Variants in DCDC1 observed in about 807,000 individuals in gnomAD.
The protein encoded by DCDC1 is doublecortin domain-containing protein 1.
A neutral mutation model predicts 178.3 loss-of-function variants in DCDC1; 200 were observed. The ratio of observed to expected loss-of-function variants is 1.12; its 90% confidence interval spans 1.00 to 1.26. DCDC1 has a LOEUF of 1.26. DCDC1 is among the 50% of genes most tolerant of loss of function. DCDC1 has a pLI of 0.00. For synonymous variants in DCDC1, 690 were observed against 604.8 expected, an observed-to-expected ratio of 1.14 and a Z score of -2.07; for missense variants, 1,983 against 1,749.2, an observed-to-expected ratio of 1.13 and a Z score of -2.38.
intron 11 of DCDC1, among the ~76,000 whole-genome samples, chr11:31,121,698 C>T (rs575849837): frequency 1.3e-5 from 2 of 151,902 alleles, no homozygotes; most frequent in East Asian, 3.9e-4. Flanking sequence ...GAGACCACTG[C>T]TCTACAAGAT....
intron 11 of DCDC1, among the ~76,000 whole-genome samples, chr11:31,114,797 T>G (rs1959623074): frequency 6.6e-6 from 1 of 152,130 alleles, no homozygotes. Context: ...ATCTGACTTA[T>G]TAACACATTT....
chr11:31,188,731 T>C (rs1274451167), intron 9 of DCDC1, among the ~76,000 whole-genome samples: 1 of 152,178 alleles, frequency 6.6e-6, no homozygotes, highest in Non-Finnish European at 1.5e-5. Flanking sequence ...AATGTATTTA[T>C]AGTTCATGAT....
chr11:31,213,544 A>T (rs895154935), intron 9 of DCDC1, among the ~76,000 whole-genome samples: 3 of 151,922 alleles, frequency 2.0e-5, no homozygotes, highest in Non-Finnish European at 4.4e-5. Context: ...ACATGGTGAA[A>T]CCCCATCTTT....
At position 31,099,465 on chromosome 11, in the gene DCDC1, A is replaced by G. The variant is rs769422544; in HGVS notation, c.1983+2712T>C. Reference sequence around the variant, plus strand: ...TCATGATCTGATCCTAACATCCCCAATAGAGCCTACCATTCTCCCCCATCT... The same window carrying G: ...TCATGATCTGATCCTAACATCCCCAGTAGAGCCTACCATTCTCCCCCATCT... On this transcript the variant is annotated intron_variant, in intron 15 of 38. Coordinates refer to ENST00000684477, the MANE Select transcript of DCDC1 (RefSeq NM_001387274.1). Among the ~76,000 whole-genome samples, 4 of 152,142 alleles carry G rather than the reference A, an allele frequency of 2.6e-5. No homozygotes were observed. In the South Asian group the frequency reaches 6.2e-4, roughly 24 times the overall value.
At chr11:31,262,577 A>G (rs1944869721) in intron 8 of DCDC1, 1 of 152,446 alleles carries the variant, frequency 6.6e-6, no homozygotes, top group Admixed American at 6.5e-5. Flanking sequence ...GACATTTTTA[A>G]AAGATTTTTT....
At chr11:31,259,250 G>A (rs984165151) in intron 8 of DCDC1, among the ~76,000 whole-genome samples, 6 of 152,072 alleles carry the variant, frequency 3.9e-5, no homozygotes, top group Non-Finnish European at 8.8e-5. Flanking sequence ...CTATTCGGGA[G>A]GCTGAGGCAG....
At chr11:31,100,187 C>G (rs1465889014) in intron 15 of DCDC1, among the ~76,000 whole-genome samples, 2 of 152,036 alleles carry the variant, frequency 1.3e-5, no homozygotes, top group Non-Finnish European at 2.9e-5. Context: ...AGAAAAAAAA[C>G]AAATAACAAT....
At chr11:30,959,137 A>C (rs1468016175) in intron 20 of DCDC1, among the ~76,000 whole-genome samples, 2 of 152,136 alleles carry the variant, frequency 1.3e-5, no homozygotes, top group African/African-American at 4.8e-5. Flanking sequence ...TCTTAGGACC[A>C]ACTGCAGCAG....
intron 8 of DCDC1, among the ~76,000 whole-genome samples, chr11:31,249,671 T>C (rs1943832452): frequency 6.6e-6 from 1 of 152,144 alleles, no homozygotes; most frequent in Non-Finnish European, 1.5e-5. Context: ...AGTCTTGCCC[T>C]AGAGAGATTT....
At chr11:31,215,972 G>A (rs1374980231) in intron 9 of DCDC1, among the ~76,000 whole-genome samples, 1 of 152,154 alleles carries the variant, frequency 6.6e-6, no homozygotes, top group Non-Finnish European at 1.5e-5. Flanking sequence ...CCTCTGCCAT[G>A]CAGAGCCAAG....
At chr11:31,004,056 T>C (rs1951711074) in intron 20 of DCDC1, among the ~76,000 whole-genome samples, 1 of 152,100 alleles carries the variant, frequency 6.6e-6, no homozygotes, top group Non-Finnish European at 1.5e-5. Flanking sequence ...GTTTTTGAAA[T>C]GCTGAGATGG....
chr11:31,274,466 T>C (rs1052044208), intron 7 of DCDC1, among the ~76,000 whole-genome samples: 1 of 149,558 alleles, frequency 6.7e-6, no homozygotes, highest in Non-Finnish European at 1.5e-5. Flanking sequence ...GGAAGGCTTC[T>C]GAGAAGAGAT....
intron 24 of DCDC1, among the ~76,000 whole-genome samples, chr11:30,921,175 T>A (rs1456009577): frequency 1.3e-5 from 2 of 152,170 alleles, no homozygotes; most frequent in Non-Finnish European, 2.9e-5. Context: ...TTATCATATA[T>A]CGTAATTATT....
intron 15 of DCDC1, among the ~76,000 whole-genome samples, chr11:31,095,357 G>A (rs992116701): frequency 5.9e-5 from 9 of 152,080 alleles, no homozygotes; most frequent in Admixed American, 3.9e-4. Context: ...TTGAGGAATC[G>A]CCACACTGTC....
chr11:31,174,648 G>T (rs966421633), intron 9 of DCDC1, among the ~76,000 whole-genome samples: 1 of 152,160 alleles, frequency 6.6e-6, no homozygotes, highest in Non-Finnish European at 1.5e-5. Context: ...TTCCAGGCTT[G>T]CCCATAGCTG....
At chr11:31,120,005 C>A (rs1396347021) in intron 11 of DCDC1, among the ~76,000 whole-genome samples, 1 of 152,158 alleles carries the variant, frequency 6.6e-6, no homozygotes, top group Non-Finnish European at 1.5e-5. Context: ...CAGTTCCTAG[C>A]ACAATGTCTT....
intron 20 of DCDC1, among the ~76,000 whole-genome samples, chr11:30,958,968 C>A (rs1041384843): frequency 2.6e-5 from 4 of 152,078 alleles, no homozygotes; most frequent in African/African-American, 9.7e-5. Context: ...GGGGCAATTG[C>A]ATCAGTCATA....
chr11:31,014,276 A>G (rs1051518067), intron 20 of DCDC1, among the ~76,000 whole-genome samples: 4 of 142,568 alleles, frequency 2.8e-5, no homozygotes, highest in Non-Finnish European at 4.5e-5. Flanking sequence ...TCTCTTTTTC[A>G]TCACTCACCC....
chr11:30,881,339 T>C (rs1233945412), intron 36 of DCDC1, 31 bp from the exon 37 acceptor site: 3 of 1,608,694 alleles, frequency 1.9e-6, no homozygotes, highest in African/African-American at 2.7e-5. Context: ...CACATTTGAA[T>C]ACGGAATGGC....
Sources: allele counts gnomAD v4.1 joint callset (sites outside exome capture counted in the v4.1 genomes callset), GRCh38; gene constraint gnomAD v4.1.1; transcripts MANE v1.5; gene names NCBI Gene and HGNC (gene_info 2026-07-23, HGNC 2026-07-21).